Variants in SLC9A3 observed in about 807,000 individuals in gnomAD.
SLC9A3 encodes the protein solute carrier family 9 member A3, also known as sodium/hydrogen exchanger 3.
In SLC9A3, 37 loss-of-function variants were observed where a neutral mutation model predicts 86.8. That is an observed-to-expected ratio of 0.43 (90% CI 0.33 to 0.56). The LOEUF is 0.56. Among genes scored for constraint, SLC9A3 ranks in the 20% least tolerant of loss-of-function variants. The probability of loss-of-function intolerance (pLI) is 0.06; values close to 1 mark genes in which losing one functional copy is unlikely to be tolerated. For synonymous variants in SLC9A3, 581 were observed against 528.3 expected (o/e 1.10, Z -1.37); for missense variants, 1,011 against 1,171.9 (o/e 0.86, Z 2.00).
Position 477,350 on chromosome 5 carries a change from G to A in SLC9A3, c.1742C>T (p.Ala581Val). 1 of 1,609,790 alleles carries A rather than the reference G, an allele frequency of 6.2e-7. No homozygotes were observed. Among genetic ancestry groups the A allele is most frequent in the Non-Finnish European group, 8.5e-7 (1 of 1,177,372 alleles). Residue 581 changes from alanine to valine, a missense_variant, in exon 11 of 17, where the codon GCC becomes GTC. By Grantham distance (64) the Ala-to-Val change is moderately conservative. Coordinates refer to ENST00000264938, the MANE Select transcript of SLC9A3 (RefSeq NM_004174.4). Reference protein sequence around the residue: ...DFTPRSSTVEASVSYLLRENV... With the variant: ...DFTPRSSTVEVSVSYLLRENV... ...CACATACAGGAGGTAGGAGACAGAG[G>A]CCTCCACGGTGGACGATCGTGGCGT...
In SLC9A3 at chr5:470,569, C is replaced by T. The variant is rs1158878852; in HGVS notation, c.*2810G>A. ...AATCGTTCAGGATTTCGGTGATGGG[C>T]CCTCCCTGTCTGGACACTGCCAACC... On this transcript the variant is annotated 3_prime_UTR_variant, in exon 17 of 17. Transcript: ENST00000264938. 2 of 152,322 alleles carry T rather than the reference C, an allele frequency of 1.3e-5. No homozygotes were observed. Among genetic ancestry groups the T allele is most frequent in the African/African-American group, 4.8e-5 (2 of 41,424 alleles). 9.4% of individuals were successfully genotyped at this position (152,322 alleles called of 1,614,324 possible).
intron 10 of SLC9A3, chr5:478,204 G>A (rs914786375): frequency 6.6e-6 from 1 of 152,268 alleles, no homozygotes; most frequent in Non-Finnish European, 1.5e-5. Flanking sequence ...CCACTCGGGG[G>A]GGATTTGAGG....
intron 1 of SLC9A3, among the ~76,000 whole-genome samples, chr5:507,061 A>G (rs1740614458): frequency 7.0e-6 from 1 of 143,466 alleles, no homozygotes; most frequent in Non-Finnish European, 1.5e-5. Flanking sequence ...TGGGAGACAG[A>G]GTGATACTGT....
chr5:476,676 C>G lies in SLC9A3; in HGVS notation c.1761-4G>C. On this transcript the variant is annotated splice_region_variant and splice_polypyrimidine_tract_variant and intron_variant, in intron 11 of 16. Coordinates refer to ENST00000264938, the MANE Select transcript of SLC9A3 (RefSeq NM_004174.4). ...GACAGCGCTGACATTTTCTCTCCTG[C>G]GTGGGGACCAGCGCTGAGCCATACA... 3 of 1,602,646 alleles carry G rather than the reference C, an allele frequency of 1.9e-6. No individual in the cohort carries two copies. The highest frequency in any genetic ancestry group is 2.5e-6 in the Non-Finnish European group (3 of 1,179,768).
intron 15 of SLC9A3, 167 bp from the exon 16 acceptor site, chr5:475,299 C>T (rs965234502): frequency 2.2e-5 from 15 of 680,606 alleles, no homozygotes; most frequent in East Asian, 1.3e-4. Context: ...TCCATGACCC[C>T]ACACGCCACA....
chr5:522,751 A>AC (rs1314722811), intron 1 of SLC9A3, among the ~76,000 whole-genome samples: 1 of 151,894 alleles, frequency 6.6e-6, no homozygotes, highest in East Asian at 1.9e-4. Flanking sequence ...AAAAAAAAAA[A>AC]AAAAGAAAAA....
chr5:496,143 C>G lies in SLC9A3; in HGVS notation c.212-4072G>C, dbSNP rs1035983657. On this transcript the variant is annotated intron_variant, in intron 1 of 16. Transcript: ENST00000264938. This position sits in a 1 kb window ranked among gnomAD's most constrained non-coding sequence, Gnocchi z 4.7. ...AATATACATATATACGCACAAACGC[C>G]GCATAGGTGGGAGGGCGGCGGTTTG... Among the ~76,000 whole-genome samples, 1 of 152,246 alleles carries G rather than the reference C, an allele frequency of 6.6e-6. No individual in the cohort carries two copies. Among genetic ancestry groups the G allele is most frequent in the African/African-American group, 2.4e-5 (1 of 41,466 alleles).
chr5:489,128 G>T (rs78065911), intron 2 of SLC9A3, among the ~76,000 whole-genome samples: 1 of 152,170 alleles, frequency 6.6e-6, no homozygotes, highest in Non-Finnish European at 1.5e-5. Flanking sequence ...TTCAGGCCTC[G>T]AGGAGGCCAC....
Position 472,104 on chromosome 5 carries a change from C to A in SLC9A3, c.*1275G>T. 1 of 421,410 alleles carries A rather than the reference C, an allele frequency of 2.4e-6. No homozygotes were observed. The highest frequency in any genetic ancestry group is 4.8e-6 in the Non-Finnish European group (1 of 209,042). The allele number at this position is 421,410 out of a possible 1,614,324, so 26.1% of individuals were successfully genotyped here. The stretch of plus-strand genomic sequence containing the variant: ...GGTTGGACCCTGTGGGACTTGCCGT[C>A]TGAGGGATGGATGGACTCCGAGCAC... On this transcript the variant is annotated 3_prime_UTR_variant, in exon 17 of 17. Coordinates refer to ENST00000264938, the MANE Select transcript of SLC9A3 (RefSeq NM_004174.4).
chr5:511,248 A>G (rs964499721), intron 1 of SLC9A3, among the ~76,000 whole-genome samples: 11 of 152,228 alleles, frequency 7.2e-5, no homozygotes, highest in African/African-American at 2.4e-4. Context: ...AGAAGATAGC[A>G]TGGAAGAAAA....
At chr5:514,800 T>C (rs1284559509) in intron 1 of SLC9A3, among the ~76,000 whole-genome samples, 1 of 152,224 alleles carries the variant, frequency 6.6e-6, no homozygotes, top group Admixed American at 6.5e-5. Flanking sequence ...CCCTTGGACT[T>C]TGGCATGACA....
At chr5:523,733 C>T (rs2126664173) in intron 1 of SLC9A3, among the ~76,000 whole-genome samples, 1 of 152,282 alleles carries the variant, frequency 6.6e-6, no homozygotes, top group South Asian at 2.1e-4. Context: ...AACGCCATCA[C>T]TCCAAGGACG....
Position 476,092 on chromosome 5 carries a change from T to A in SLC9A3, c.2068A>T (p.Arg690Ter). ...LYKRERAQKR[R>*]NSSIPNGKLP... ...TTCCCATTGGGGATGCTGCTGTTTC[T>A]CTGCGGAGCAAACGTGAAGCTGCTC... Residue 690 changes from arginine to a stop codon, truncating the protein, a stop_gained and splice_region_variant, in exon 14 of 17, where the codon AGA (arginine) becomes TGA (stop). Coordinates refer to ENST00000264938, the MANE Select transcript of SLC9A3 (RefSeq NM_004174.4). LOFTEE classifies it high-confidence loss of function. The A allele has an allele frequency of 6.2e-7, 1 of 1,613,380 alleles. No individual in the cohort carries two copies. Among genetic ancestry groups the A allele is most frequent in the Non-Finnish European group, 8.5e-7 (1 of 1,179,860 alleles).
rs377251345 is a variant in SLC9A3, at chr5:471,425, A to G, written c.*1954T>C. 1 of 323,114 alleles carries G rather than the reference A, an allele frequency of 3.1e-6. No individual in the cohort carries two copies. The allele number at this position is 323,114 out of a possible 1,614,324, so 20.0% of individuals were successfully genotyped here. ...GCTCCTGCTCTGTTCTCCCAGGCAC[A>G]GACAGGCACTTGGAAGGCAGCTTTG... On this transcript the variant is annotated 3_prime_UTR_variant, in exon 17 of 17. Transcript: ENST00000264938.
chr5:502,251 C>A (rs1278246558), intron 1 of SLC9A3, among the ~76,000 whole-genome samples: 1 of 152,268 alleles, frequency 6.6e-6, no homozygotes, highest in African/African-American at 2.4e-5. Context: ...ACCCCACACC[C>A]CTTCCTCTCT....
intron 1 of SLC9A3, among the ~76,000 whole-genome samples, chr5:515,574 C>T (rs924246040): frequency 6.6e-6 from 1 of 152,122 alleles, no homozygotes; most frequent in East Asian, 1.9e-4. Flanking sequence ...TGAACATGGT[C>T]ATCACACGGC....
chr5:517,912 C>T (rs540187760), intron 1 of SLC9A3, among the ~76,000 whole-genome samples: 17 of 152,260 alleles, frequency 1.1e-4, no homozygotes, highest in Non-Finnish European at 2.1e-4. Flanking sequence ...CATCATCCAT[C>T]CATCCATCCA....
intron 1 of SLC9A3, among the ~76,000 whole-genome samples, chr5:508,750 C>T (rs1432851379): frequency 1.3e-5 from 2 of 152,198 alleles, no homozygotes; most frequent in Non-Finnish European, 2.9e-5. Context: ...AGAGGAAGAC[C>T]TCCCGGGAGT....
Position 473,173 on chromosome 5 carries a change from C to CCGGCGCAGGCCCCGCCCT in SLC9A3, c.*205_*206insAGGGCGGGGCCTGCGCCG. Reference sequence around the variant, plus strand: ...CCCGCCCCCGGCGCAGGCCCCGCCCCCGGCTCGCCCTCGGGCGGCTCTGCG... The same window carrying CCGGCGCAGGCCCCGCCCT: ...CCCGCCCCCGGCGCAGGCCCCGCCCCCGGCGCAGGCCCCGCCCTCGGCTCGCCCTCGGGCGGCTCTGCG... On this transcript the variant is annotated 3_prime_UTR_variant, in exon 17 of 17. Coordinates refer to ENST00000264938, the MANE Select transcript of SLC9A3 (RefSeq NM_004174.4). The CCGGCGCAGGCCCCGCCCT allele has an allele frequency of 2.1e-6, 1 of 469,690 alleles. No individual in the cohort carries two copies. The highest frequency in any genetic ancestry group is 3.3e-6 in the Non-Finnish European group (1 of 305,758). The allele number at this position is 469,690 out of a possible 1,614,324, so 29.1% of individuals were successfully genotyped here.
Sources: allele counts gnomAD v4.1 joint callset (sites outside exome capture counted in the v4.1 genomes callset), GRCh38; gene constraint gnomAD v4.1.1; non-coding constraint Gnocchi (gnomAD v3.1); transcripts MANE v1.5; gene names NCBI Gene and HGNC (gene_info 2026-07-23, HGNC 2026-07-21).